The following TOP1MT variants were observed in gnomAD, a reference collection of about 807,000 sequenced individuals.
The protein encoded by TOP1MT is DNA topoisomerase I mitochondrial.
TOP1MT carries 80 observed loss-of-function variants against 73.9 expected under a neutral mutation model. The observed-to-expected ratio is 1.08, with a 90% confidence interval of 0.90 to 1.30. TOP1MT has a LOEUF of 1.30. Ranked by LOEUF, TOP1MT falls within the 50% of genes most tolerant of loss-of-function variation. The pLI is 0.00. For missense variants in TOP1MT, 815 were observed against 808.0 expected (o/e 1.01, Z -0.10); for synonymous variants, 338 against 326.4 (o/e 1.04, Z -0.38).
intron 12 of TOP1MT, among the ~76,000 whole-genome samples, chr8:143,313,825 A>G (rs1816078258): frequency 6.6e-6 from 1 of 151,398 alleles, no homozygotes; most frequent in Admixed American, 6.6e-5. Context: ...ATTGCACTCC[A>G]GCCTTGGCGA....
At chr8:143,347,001 T>A (rs867933573), upstream of TOP1MT, among the ~76,000 whole-genome samples, 16 of 118,880 alleles carry the variant, frequency 1.3e-4, no homozygotes, top group East Asian at 2.2e-3. Flanking sequence ...TTATTTATTT[T>A]GAGAGATGGA....
intron 10 of TOP1MT, 53 bp from the exon 11 acceptor site, chr8:143,316,179 T>C (rs1586750811): frequency 1.9e-6 from 3 of 1,612,192 alleles, no homozygotes; most frequent in South Asian, 2.2e-5. Flanking sequence ...CCACCCTCCC[T>C]GTCTGCCCTG....
At chr8:143,315,930 T>G in intron 11 of TOP1MT, 69 bp downstream of exon 11, 1 of 1,609,450 alleles carries the variant, frequency 6.2e-7, no homozygotes, top group East Asian at 2.2e-5. Context: ...CCCAGGCCTG[T>G]GCCGAGGCTC....
intron 1 of TOP1MT, chr8:143,334,074 C>T (rs1454635193): frequency 6.6e-6 from 1 of 152,332 alleles, no homozygotes. Flanking sequence ...AACCGCGAGA[C>T]CTGGCGGGAA....
At position 143,343,043 on chromosome 8, in the gene TOP1MT, G is replaced by T. The variant is rs1406911085; in HGVS notation, c.29+177C>A. ...CCCAAAGTGCTAGGATTATAGGCATGAGCCACCACGCCTGGCCTGCTAACT... is the reference window on the plus strand; with the variant it reads ...CCCAAAGTGCTAGGATTATAGGCATTAGCCACCACGCCTGGCCTGCTAACT... On this transcript the variant is annotated intron_variant, in intron 2 of 5. Transcript: ENST00000518007. Among the ~76,000 whole-genome samples, 3 of 152,224 alleles carry T rather than the reference G, an allele frequency of 2.0e-5. No homozygotes were observed. In the South Asian group the frequency reaches 6.2e-4, roughly 32 times the overall value.
Position 143,322,826 on chromosome 8 carries a change from C to T in TOP1MT, c.960+1173G>A, listed in dbSNP as rs200896464. 2.4e-3 allele frequency among the ~76,000 whole-genome samples: 95 copies of T among 40,134 alleles called. 3 individuals are homozygous for T. The highest frequency in any genetic ancestry group is 6.3e-3 in the African/African-American group (93 of 14,782). The allele number at this position is 40,134 out of a possible 152,430, so 26.3% of individuals were successfully genotyped here. Reference sequence around the variant, plus strand: ...CACATGCATGCCACACACAGGCACGCCACACACGCACACCACACACGCACG... The same window carrying T: ...CACATGCATGCCACACACAGGCACGTCACACACGCACACCACACACGCACG... On this transcript the variant is annotated intron_variant, in intron 7 of 13. Coordinates refer to ENST00000329245, the MANE Select transcript of TOP1MT (RefSeq NM_052963.3).
intron 1 of TOP1MT, among the ~76,000 whole-genome samples, chr8:143,352,167 C>T (rs934571897): frequency 3.9e-5 from 6 of 152,190 alleles, no homozygotes; most frequent in Admixed American, 1.3e-4. Flanking sequence ...AGTGTTTTTG[C>T]AGAAATTGAC....
chr8:143,359,969 G>A (rs1244177535), upstream of TOP1MT: 2 of 151,972 alleles, frequency 1.3e-5, no homozygotes, highest in South Asian at 2.1e-4. Context: ...ACGCCGGGAA[G>A]GCCCGAGCCC....
At chr8:143,328,472 C>G (rs1245595219) in intron 3 of TOP1MT, among the ~76,000 whole-genome samples, 1 of 152,262 alleles carries the variant, frequency 6.6e-6, no homozygotes, top group Non-Finnish European at 1.5e-5. Context: ...TAGGGAAACG[C>G]AAACCACACC....
At chr8:143,332,586 G>A (rs534474566) in intron 1 of TOP1MT, 4 of 1,288,856 alleles carry the variant, frequency 3.1e-6, no homozygotes, top group South Asian at 1.2e-5. Flanking sequence ...AGAGCAACAG[G>A]AAGTCTCTGA....
chr8:143,335,982 G>T (rs2130375018), upstream of TOP1MT, among the ~76,000 whole-genome samples: 1 of 152,324 alleles, frequency 6.6e-6, no homozygotes, highest in Middle Eastern at 3.4e-3. Context: ...CACACACCAG[G>T]ACACAGCAGC....
At chr8:143,329,054 G>A (rs1288566939) in intron 3 of TOP1MT, among the ~76,000 whole-genome samples, 1 of 152,156 alleles carries the variant, frequency 6.6e-6, no homozygotes, top group African/African-American at 2.4e-5. Flanking sequence ...GGTCCATGGA[G>A]TAAGGACCAC....
chr8:143,324,223 A>G (rs1816641243), intron 6 of TOP1MT, 81 bp from the exon 7 acceptor site: 1 of 1,565,816 alleles, frequency 6.4e-7, no homozygotes, highest in South Asian at 1.1e-5. Context: ...TCCCTCCCCC[A>G]AACCTCGTGC....
chr8:143,330,769 A>G (rs1024308684), intron 2 of TOP1MT, among the ~76,000 whole-genome samples: 2 of 152,122 alleles, frequency 1.3e-5, no homozygotes, highest in African/African-American at 2.4e-5. Context: ...GCTGCCCCAG[A>G]GCCCCCGGGT....
Position 143,309,552 on chromosome 8 carries a change from G to A in TOP1MT, c.1704-9C>T, listed in dbSNP as rs1399568053. 2 of 1,613,378 alleles carry A rather than the reference G, an allele frequency of 1.2e-6. No homozygotes were observed. The highest frequency in any genetic ancestry group is 1.1e-5 in the South Asian group (1 of 91,094). ...CCCTGAACCGCTTGCACCTGCGGGAGGCAGCATCAGCCCAGGCAAGCAGGC... is the reference window on the plus strand; with the variant it reads ...CCCTGAACCGCTTGCACCTGCGGGAAGCAGCATCAGCCCAGGCAAGCAGGC... On this transcript the variant is annotated splice_polypyrimidine_tract_variant and intron_variant, in intron 13 of 13. Coordinates refer to ENST00000329245, the MANE Select transcript of TOP1MT (RefSeq NM_052963.3).
intron 4 of TOP1MT, among the ~76,000 whole-genome samples, chr8:143,325,765 C>T (rs1381218539): frequency 2.0e-5 from 3 of 152,168 alleles, no homozygotes; most frequent in African/African-American, 7.2e-5. Flanking sequence ...CCGGCCCCTG[C>T]ACAGACTTCG....
chr8:143,327,835 G>A, intron 3 of TOP1MT: 1 of 376,724 alleles, frequency 2.7e-6, no homozygotes, highest in Non-Finnish European at 5.2e-6. Flanking sequence ...GCTGGCTCGG[G>A]GCAGTCAGAC....
chr8:143,320,489 A>G (rs1484067784), intron 8 of TOP1MT, among the ~76,000 whole-genome samples: 1 of 151,968 alleles, frequency 6.6e-6, no homozygotes, highest in African/African-American at 2.4e-5. Context: ...GTGGTCTCAA[A>G]CTCCTGGGCT....
upstream of TOP1MT, among the ~76,000 whole-genome samples, chr8:143,338,588 T>G (rs1817022565): frequency 6.6e-6 from 1 of 152,050 alleles, no homozygotes; most frequent in South Asian, 2.1e-4. Flanking sequence ...AATGTTAATT[T>G]TAAAAAGGGG....
Sources: gnomAD v4.1 joint callset for allele counts (sites outside exome capture counted in the v4.1 genomes callset) on GRCh38, gnomAD v4.1.1 for gene constraint, MANE v1.5 for transcripts, NCBI Gene and HGNC (gene_info 2026-07-23, HGNC 2026-07-21) for gene names.